The following CACNA2D3 variants were observed in gnomAD, a reference collection of about 807,000 sequenced individuals.
The protein encoded by CACNA2D3 is calcium voltage-gated channel auxiliary subunit alpha2delta 3.
Under a neutral mutation model 160.6 loss-of-function variants are expected in CACNA2D3, and 60 were observed. The observed-to-expected ratio is 0.37, with a 90% CI of 0.30 to 0.46. The LOEUF is 0.46. CACNA2D3 is among the 20% of genes least tolerant of loss of function. CACNA2D3 has a pLI of 1.00. For synonymous variants in CACNA2D3, 558 were observed against 492.9 expected, an observed-to-expected ratio of 1.13 and a Z score of -1.75; for missense variants, 1,205 against 1,365.0, an observed-to-expected ratio of 0.88 and a Z score of 1.85.
At chr3:54,621,415 G>A (rs964671782) in intron 9 of CACNA2D3, among the ~76,000 whole-genome samples, 4 of 152,212 alleles carry the variant, frequency 2.6e-5, no homozygotes, top group Non-Finnish European at 5.9e-5. Context: ...TGGCGCCAGC[G>A]TGGGCTCATC....
In CACNA2D3 at chr3:54,297,727, AAAGAGTGAAG is replaced by A. The variant is rs1388061194; in HGVS notation, c.205-22712_205-22703del. On this transcript the variant is annotated intron_variant, in intron 2 of 37. Transcript: ENST00000474759. ...TCCCCGCCACCAAAAAAAAAAAAAAAAAGAGTGAAGAAATGGTAACACCACTAAGAAGCTT... is the reference window on the plus strand; with the variant it reads ...TCCCCGCCACCAAAAAAAAAAAAAAAAAATGGTAACACCACTAAGAAGCTT... Among the ~76,000 whole-genome samples the A allele has an allele frequency of 1.1e-4, 16 of 151,678 alleles. No individual in the cohort carries two copies. The East Asian group carries it at 3.1e-3, about 29-fold the overall frequency.
chr3:54,216,724 C>G (rs2107370891), intron 2 of CACNA2D3, among the ~76,000 whole-genome samples: 1 of 152,308 alleles, frequency 6.6e-6, no homozygotes, highest in South Asian at 2.1e-4. Context: ...AATGCATTAA[C>G]TGTTTTGTTT....
chr3:54,475,077 C>T (rs1370683411), intron 4 of CACNA2D3, among the ~76,000 whole-genome samples: 1 of 152,156 alleles, frequency 6.6e-6, no homozygotes, highest in Non-Finnish European at 1.5e-5. Context: ...TAAGAGATTA[C>T]CTTGCACATT....
At chr3:54,543,962 A>G (rs1702022486) in intron 5 of CACNA2D3, among the ~76,000 whole-genome samples, 1 of 152,122 alleles carries the variant, frequency 6.6e-6, no homozygotes, top group Non-Finnish European at 1.5e-5. Context: ...AAGGACCTAG[A>G]AAGTTATTAA....
intron 4 of CACNA2D3, among the ~76,000 whole-genome samples, chr3:54,399,974 T>G (rs1403731956): frequency 8.4e-6 from 1 of 118,416 alleles, no homozygotes; most frequent in African/African-American, 3.3e-5. Flanking sequence ...TAGGACCCTC[T>G]GAGCCAGGTG....
At position 54,315,954 on chromosome 3, in the gene CACNA2D3, G is replaced by A. The variant is rs189172333; in HGVS notation, c.205-4488G>A. Among the ~76,000 whole-genome samples, 17 of 152,150 alleles carry A rather than the reference G, an allele frequency of 1.1e-4. No individual in the cohort carries two copies. The South Asian group carries it at 1.7e-3, about 15-fold the overall frequency. ...TATATATATTTTTGAATGTGAAATA[G>A]TCATTGAAAAATTAGAAAATAAAGG... On this transcript the variant is annotated intron_variant, in intron 2 of 37. Transcript: ENST00000474759.
intron 29 of CACNA2D3, 61 bp downstream of exon 29, chr3:54,969,905 T>C (rs917767365): frequency 6.8e-7 from 1 of 1,462,824 alleles, no homozygotes; most frequent in African/African-American, 1.4e-5. Context: ...GATGGTGCTT[T>C]ATGACCGAGG....
chr3:54,876,111 G>T (rs1296672701), intron 18 of CACNA2D3, among the ~76,000 whole-genome samples: 2 of 152,102 alleles, frequency 1.3e-5, no homozygotes, highest in East Asian at 3.9e-4. Context: ...CATTTTTCCA[G>T]TTGTTCACTG....
At chr3:54,269,463 A>G (rs1702577392) in intron 2 of CACNA2D3, among the ~76,000 whole-genome samples, 1 of 152,156 alleles carries the variant, frequency 6.6e-6, no homozygotes, top group African/African-American at 2.4e-5. Context: ...TGTGTACTGC[A>G]TACTAGGAGC....
intron 25 of CACNA2D3, among the ~76,000 whole-genome samples, chr3:54,891,765 G>A (rs1171425963): frequency 6.6e-6 from 1 of 152,216 alleles, no homozygotes; most frequent in Non-Finnish European, 1.5e-5. Context: ...CCGCCAGAGG[G>A]AGGAAACACT....
At chr3:54,797,240 G>A (rs906258093) in intron 13 of CACNA2D3, among the ~76,000 whole-genome samples, 11 of 152,140 alleles carry the variant, frequency 7.2e-5, no homozygotes, top group Admixed American at 6.5e-4. Context: ...TTCTTCCCCT[G>A]GCTGATGATA....
chr3:54,235,492 C>T (rs1479562281), intron 2 of CACNA2D3, among the ~76,000 whole-genome samples: 2 of 152,130 alleles, frequency 1.3e-5, no homozygotes, highest in Non-Finnish European at 2.9e-5. Flanking sequence ...AACAACCAGA[C>T]CTCGTGAGCA....
chr3:54,527,469 C>T (rs1399412285), intron 5 of CACNA2D3, among the ~76,000 whole-genome samples: 2 of 152,086 alleles, frequency 1.3e-5, no homozygotes, highest in African/African-American at 2.4e-5. Flanking sequence ...GTACTTAGCT[C>T]GGTGGAAGGG....
At chr3:55,066,268 A>G (rs1266677001) in intron 35 of CACNA2D3, among the ~76,000 whole-genome samples, 1 of 152,180 alleles carries the variant, frequency 6.6e-6, no homozygotes, top group African/African-American at 2.4e-5. Context: ...CCTGGGACCG[A>G]CTCATTGGCT....
At chr3:54,946,103 A>T (rs914675253) in intron 27 of CACNA2D3, among the ~76,000 whole-genome samples, 11 of 152,218 alleles carry the variant, frequency 7.2e-5, no homozygotes, top group Admixed American at 5.9e-4. Context: ...AAAAAGCAGT[A>T]TGCATTGATG....
intron 2 of CACNA2D3, among the ~76,000 whole-genome samples, chr3:54,263,704 C>A (rs1257975655): frequency 6.6e-6 from 1 of 152,110 alleles, no homozygotes; most frequent in Non-Finnish European, 1.5e-5. Flanking sequence ...ATGTTGTGCA[C>A]CTTTGGTGTG....
intron 4 of CACNA2D3, among the ~76,000 whole-genome samples, chr3:54,492,034 G>T (rs1423792057): frequency 6.6e-6 from 1 of 152,160 alleles, no homozygotes; most frequent in African/African-American, 2.4e-5. Flanking sequence ...TCTTCCTATA[G>T]AATCTGAAGC....
intron 2 of CACNA2D3, among the ~76,000 whole-genome samples, chr3:54,261,809 A>G (rs1379341508): frequency 6.6e-6 from 1 of 152,188 alleles, no homozygotes; most frequent in African/African-American, 2.4e-5. Flanking sequence ...GACCCAAAAT[A>G]CACAGTTATA....
chr3:54,214,010 A>G (rs1701421629), intron 2 of CACNA2D3, among the ~76,000 whole-genome samples: 2 of 152,096 alleles, frequency 1.3e-5, no homozygotes, highest in South Asian at 4.2e-4. Context: ...GAACCTTGGC[A>G]TTTTAAGTGG....
Sources: gnomAD v4.1 joint callset for allele counts (sites outside exome capture counted in the v4.1 genomes callset) on GRCh38, gnomAD v4.1.1 for gene constraint, MANE v1.5 for transcripts, NCBI Gene and HGNC (gene_info 2026-07-23, HGNC 2026-07-21) for gene names.